GNL1: variants seen among roughly 807,000 people sequenced by gnomAD.
GNL1 encodes the protein G protein nucleolar 1.
Under a neutral mutation model 75.2 loss-of-function variants are expected in GNL1, and 21 were observed. The observed-to-expected ratio is 0.28, with a 90% CI of 0.20 to 0.40. GNL1 has a LOEUF of 0.40. GNL1 is among the 10% of genes least tolerant of loss of function. GNL1 has a pLI of 1.00. For missense variants in GNL1, 579 were observed against 775.0 expected, an observed-to-expected ratio of 0.75 and a Z score of 3.00; for synonymous variants, 287 against 303.4, an observed-to-expected ratio of 0.95 and a Z score of 0.56.
rs745533955 is a variant in GNL1, at chr6:30,552,521, T to G, written c.1045A>C (p.Thr349Pro). ...EQQTDSAMEP[T>P]GPTQERYKDG... is the part of the protein sequence containing the mutation. Reference sequence around the variant, plus strand: ...TTGTAGCGCTCTTGGGTTGGGCCAGTTGGCTCCATTGCTGAATCAGTCTGC... The same window carrying G: ...TTGTAGCGCTCTTGGGTTGGGCCAGGTGGCTCCATTGCTGAATCAGTCTGC... Residue 349 changes from threonine (T) to proline (P), a missense_variant, in exon 8 of 12, where the codon ACT becomes CCT. Transcript: ENST00000376621. The surrounding 1 kb of genome is among the most constrained non-coding windows in gnomAD (Gnocchi z 4.5). 1.1e-5 allele frequency: 17 copies of G among 1,614,166 alleles called. No homozygotes were observed. The South Asian group carries it at 1.9e-4, about 18-fold the overall frequency.
chr6:30,555,737 G>A lies in GNL1; in HGVS notation c.74-17C>T. ...CTTGAAGCCCTGCGGGGAGGGGCCG[G>A]TGACGCCAGTGCTGGCCAGCTCTCA... On this transcript the variant is annotated splice_polypyrimidine_tract_variant and intron_variant, in intron 1 of 11. Coordinates refer to ENST00000376621, the MANE Select transcript of GNL1 (RefSeq NM_005275.5). The surrounding 1 kb of genome is among the most constrained non-coding windows in gnomAD (Gnocchi z 4.3). 1.2e-6 allele frequency: 2 copies of A among 1,612,216 alleles called. No homozygotes were observed. The highest frequency in any genetic ancestry group is 1.7e-6 in the Non-Finnish European group (2 of 1,179,318).
In GNL1 at chr6:30,547,615, CTAAGG is replaced by C; in HGVS notation, c.1100-90_1100-86del. ...GCTATACCTATAGGTAAAAGGGGAA[CTAAGG>C]CTCAGAAATTAAGGAAATGGTATTG... On this transcript the variant is annotated intron_variant, in intron 8 of 11. Transcript: ENST00000376621. This position sits in a 1 kb window ranked among gnomAD's most constrained non-coding sequence, Gnocchi z 5.5. 1 of 1,144,986 alleles carries C rather than the reference CTAAGG, an allele frequency of 8.7e-7. No homozygotes were observed. Among genetic ancestry groups the C allele is most frequent in the Non-Finnish European group, 1.3e-6 (1 of 779,786 alleles). The allele number at this position is 1,144,986 out of a possible 1,614,324, so 70.9% of individuals were successfully genotyped here.
At position 30,555,732 on chromosome 6, in the gene GNL1, G is replaced by A. The variant is rs1242150722; in HGVS notation, c.74-12C>T. 6.2e-7 allele frequency: 1 copy of A among 1,612,652 alleles called. No homozygotes were observed. The highest frequency in any genetic ancestry group is 8.5e-7 in the Non-Finnish European group (1 of 1,179,560). On this transcript the variant is annotated splice_polypyrimidine_tract_variant and intron_variant, in intron 1 of 11. Coordinates refer to ENST00000376621, the MANE Select transcript of GNL1 (RefSeq NM_005275.5). The surrounding 1 kb of genome is among the most constrained non-coding windows in gnomAD (Gnocchi z 4.3). ...CCCATCTTGAAGCCCTGCGGGGAGG[G>A]GCCGGTGACGCCAGTGCTGGCCAGC...
chr6:30,554,228 G>T (rs780127198), intron 5 of GNL1, among the ~76,000 whole-genome samples: 2 of 152,178 alleles, frequency 1.3e-5, no homozygotes, highest in Non-Finnish European at 2.9e-5. Flanking sequence ...GGCAGTGCTA[G>T]AGAAATGAGA....
At position 30,552,016 on chromosome 6, in the gene GNL1, C is replaced by G. The variant is rs1799812351; in HGVS notation, c.1099+451G>C. ...TAGCAGAGACTACAGGCACATACCACCACACTTGGCTAGTTTTCTTTATCT... is the reference window on the plus strand; with the variant it reads ...TAGCAGAGACTACAGGCACATACCAGCACACTTGGCTAGTTTTCTTTATCT... On this transcript the variant is annotated intron_variant, in intron 8 of 11. Transcript: ENST00000376621. The surrounding 1 kb of genome is among the most constrained non-coding windows in gnomAD (Gnocchi z 4.5). Among the ~76,000 whole-genome samples the G allele has an allele frequency of 6.6e-6, 1 of 152,076 alleles. No homozygotes were observed. Among genetic ancestry groups the G allele is most frequent in the African/African-American group, 2.4e-5 (1 of 41,394 alleles).
chr6:30,546,603 G>C lies in GNL1; in HGVS notation c.1582+93C>G, dbSNP rs576236000. ...GTAACAGAGCTAGCCAACAGGTACA[G>C]AATCCAGGTTTGACCCTCTCTCTGG... On this transcript the variant is annotated intron_variant, in intron 11 of 11. Coordinates refer to ENST00000376621, the MANE Select transcript of GNL1 (RefSeq NM_005275.5). This position sits in a 1 kb window ranked among gnomAD's most constrained non-coding sequence, Gnocchi z 5.1. The C allele has an allele frequency of 1.3e-5, 14 of 1,043,236 alleles. No individual in the cohort carries two copies. In the African/African-American group the frequency reaches 1.8e-4, roughly 13 times the overall value. 64.6% of individuals were successfully genotyped at this position (1,043,236 alleles called of 1,614,324 possible). A position where few individuals can be genotyped will look rare whatever the true frequency, so the allele number is the denominator to read the frequency against.
chr6:30,556,056 G>C lies in GNL1; in HGVS notation c.73+75C>G. 1 of 1,554,392 alleles carries C rather than the reference G, an allele frequency of 6.4e-7. No homozygotes were observed. Among genetic ancestry groups the C allele is most frequent in the Admixed American group, 1.7e-5 (1 of 59,712 alleles). On this transcript the variant is annotated intron_variant, in intron 1 of 11. Coordinates refer to ENST00000376621, the MANE Select transcript of GNL1 (RefSeq NM_005275.5). The surrounding 1 kb of genome is among the most constrained non-coding windows in gnomAD (Gnocchi z 5.7). ...CGACCCCCTCCCACGATCCCCAGAG[G>C]TGCAGCGGGCACACCCCTCCTTCCA...
At position 30,555,063 on chromosome 6, in the gene GNL1, G is replaced by A; in HGVS notation, c.368C>T (p.Pro123Leu). 1.2e-6 allele frequency: 2 copies of A among 1,612,978 alleles called. No homozygotes were observed. Among genetic ancestry groups the A allele is most frequent in the Non-Finnish European group, 1.7e-6 (2 of 1,180,014 alleles). The stretch of plus-strand genomic sequence containing the variant: ...GTCTTGCTCTCACTCACCTGAGCCA[G>A]GCTGATACACCTCCCGGATGTCCAG... The part of the protein sequence containing the change: ...LELDIREVYQ[P>L]GSVLDFPRRP... Residue 123 changes from proline to leucine, a missense_variant, in exon 3 of 12, where the codon CCT becomes CTT. Transcript: ENST00000376621. The surrounding 1 kb of genome is among the most constrained non-coding windows in gnomAD (Gnocchi z 4.3).
chr6:30,556,440 T>G lies in GNL1; in HGVS notation c.-237A>C. 1 of 582,774 alleles carries G rather than the reference T, an allele frequency of 1.7e-6. No homozygotes were observed. 36.1% of individuals were successfully genotyped at this position (582,774 alleles called of 1,614,324 possible). The stretch of plus-strand genomic sequence containing the variant: ...GAGAGGATGATGCGGGGTGGGCTAC[T>G]GGCACGTGAGAGCCAGTGGCACCGA... On this transcript the variant is annotated 5_prime_UTR_variant, in exon 1 of 12. Coordinates refer to ENST00000376621, the MANE Select transcript of GNL1 (RefSeq NM_005275.5). This position sits in a 1 kb window ranked among gnomAD's most constrained non-coding sequence, Gnocchi z 5.7.
rs1251774158 is a variant in GNL1 at position 30,552,932 on chromosome 6, C to T, written c.904+152G>A. 4.3e-6 allele frequency: 3 copies of T among 700,872 alleles called. No individual in the cohort carries two copies. The African/African-American group carries it at 5.3e-5, about 12-fold the overall frequency. The allele number at this position is 700,872 out of a possible 1,614,324, so 43.4% of individuals were successfully genotyped here. A position where few individuals can be genotyped will look rare whatever the true frequency, so the allele number is the denominator to read the frequency against. On this transcript the variant is annotated intron_variant, in intron 7 of 11. Transcript: ENST00000376621. This position sits in a 1 kb window ranked among gnomAD's most constrained non-coding sequence, Gnocchi z 4.5. ...TGACTACCTGCTGCCTCTCGTCCCA[C>T]CAAGTCAGTCTGCTCCTTATTCTGT...
Position 30,546,957 on chromosome 6 carries a change from G to T in GNL1, c.1442-121C>A. On this transcript the variant is annotated intron_variant, in intron 10 of 11. Coordinates refer to ENST00000376621, the MANE Select transcript of GNL1 (RefSeq NM_005275.5). The surrounding 1 kb of genome is among the most constrained non-coding windows in gnomAD (Gnocchi z 5.1). ...ACATTCCAGGCCAGAGATCTTACTGGCTATGCAACAAAAATCTAGGGGTGA... is the reference window on the plus strand; with the variant it reads ...ACATTCCAGGCCAGAGATCTTACTGTCTATGCAACAAAAATCTAGGGGTGA... 2.7e-6 allele frequency: 3 copies of T among 1,128,234 alleles called. No individual in the cohort carries two copies. Among genetic ancestry groups the T allele is most frequent in the Non-Finnish European group, 2.6e-6 (2 of 763,782 alleles). 69.9% of individuals were successfully genotyped at this position (1,128,234 alleles called of 1,614,324 possible).
chr6:30,554,443 A>G, intron 5 of GNL1, 132 bp downstream of exon 5: 2 of 710,730 alleles, frequency 2.8e-6, no homozygotes, highest in Non-Finnish European at 5.1e-6. Flanking sequence ...CTAACTGCGG[A>G]CATCAGCACT....
intron 8 of GNL1, among the ~76,000 whole-genome samples, chr6:30,551,496 T>C (rs1251163444): frequency 6.6e-6 from 1 of 152,160 alleles, no homozygotes; most frequent in Non-Finnish European, 1.5e-5. Flanking sequence ...CCATAACTTG[T>C]CCAAGGTCTC....
chr6:30,555,259 T>C lies in GNL1; in HGVS notation c.240-68A>G, dbSNP rs1562716121. The C allele has an allele frequency of 1.3e-6, 2 of 1,589,762 alleles. No individual in the cohort carries two copies. Among genetic ancestry groups the C allele is most frequent in the Non-Finnish European group, 1.7e-6 (2 of 1,161,238 alleles). On this transcript the variant is annotated intron_variant, in intron 2 of 11. Transcript: ENST00000376621. This position sits in a 1 kb window ranked among gnomAD's most constrained non-coding sequence, Gnocchi z 4.3. ...CACAAACTCCTATTTTCTCCCCTCT[T>C]GTACAATCAACTTCGCAAACCATTC...
chr6:30,544,684 G>C lies in GNL1; in HGVS notation c.*1388C>G, dbSNP rs1480875634. On this transcript the variant is annotated 3_prime_UTR_variant, in exon 12 of 12. Coordinates refer to ENST00000376621, the MANE Select transcript of GNL1 (RefSeq NM_005275.5). ...AGTTATGTCCACACTGAGACCAATGGAGATGAACCTAAAGCAATATGTGGC... is the reference window on the plus strand; with the variant it reads ...AGTTATGTCCACACTGAGACCAATGCAGATGAACCTAAAGCAATATGTGGC... The C allele has an allele frequency of 6.6e-6, 1 of 152,200 alleles. No individual in the cohort carries two copies. Among genetic ancestry groups the C allele is most frequent in the Non-Finnish European group, 1.5e-5 (1 of 68,042 alleles). The allele number at this position is 152,200 out of a possible 1,614,324, so 9.4% of individuals were successfully genotyped here.
chr6:30,547,660 C>T lies in GNL1; in HGVS notation c.1100-130G>A, dbSNP rs763033344. 15 of 780,502 alleles carry T rather than the reference C, an allele frequency of 1.9e-5. No homozygotes were observed. The highest frequency in any genetic ancestry group is 2.3e-5 in the Non-Finnish European group (11 of 484,234). The allele number at this position is 780,502 out of a possible 1,614,324, so 48.3% of individuals were successfully genotyped here. A position where few individuals can be genotyped will look rare whatever the true frequency, so the allele number is the denominator to read the frequency against. On this transcript the variant is annotated intron_variant, in intron 8 of 11. Coordinates refer to ENST00000376621, the MANE Select transcript of GNL1 (RefSeq NM_005275.5). This position sits in a 1 kb window ranked among gnomAD's most constrained non-coding sequence, Gnocchi z 5.5. The stretch of plus-strand genomic sequence containing the variant: ...AAATGGTATTGCAGAATACAAATCA[C>T]GCTCTGGGCTGCCAGGGTTAAATCC...
rs772728088 is a variant in GNL1 at position 30,547,202 on chromosome 6, T to A, written c.1351A>T (p.Ile451Phe). The change falls in exon 10 of 12, where the codon ATT (isoleucine) becomes TTT (phenylalanine). Residue 451 changes from isoleucine to phenylalanine, a missense_variant. Transcript: ENST00000376621. The surrounding 1 kb of genome is among the most constrained non-coding windows in gnomAD (Gnocchi z 5.5). ...AGGTGGAGCAGGGCCTGCACGGGAATTCGGGAGGCCAGGTAGCCCACAGCA... is the reference window on the plus strand; with the variant it reads ...AGGTGGAGCAGGGCCTGCACGGGAAATCGGGAGGCCAGGTAGCCCACAGCA... ...YTAVGYLASR[I>F]PVQALLHLRH... 3.9e-5 allele frequency: 63 copies of A among 1,613,068 alleles called. No individual in the cohort carries two copies. The highest frequency in any genetic ancestry group is 1.6e-4 in the Middle Eastern group (1 of 6,076).
In GNL1 at chr6:30,552,491, C is replaced by T. The variant is rs1170293349; in HGVS notation, c.1075G>A (p.Gly359Arg). 1 of 1,613,862 alleles carries T rather than the reference C, an allele frequency of 6.2e-7. No homozygotes were observed. The highest frequency in any genetic ancestry group is 8.5e-7 in the Non-Finnish European group (1 of 1,179,782). Residue 359 changes from glycine (G) to arginine (R), a missense_variant, in exon 8 of 12, where the codon GGG becomes AGG. Gly to Arg is a moderately radical substitution (Grantham distance 125). Transcript: ENST00000376621. The surrounding 1 kb of genome is among the most constrained non-coding windows in gnomAD (Gnocchi z 4.5). ...CCCACACAGCCGATGGTCACCACCC[C>T]ATCCTTGTAGCGCTCTTGGGTTGGG... ...TGPTQERYKDGVVTIGCVGFP... is the reference protein window; with the variant it reads ...TGPTQERYKDRVVTIGCVGFP...
At position 30,555,772 on chromosome 6, in the gene GNL1, A is replaced by C. The variant is rs1800124861; in HGVS notation, c.74-52T>G. 6.4e-7 allele frequency: 1 copy of C among 1,573,528 alleles called. No homozygotes were observed. The highest frequency in any genetic ancestry group is 2.2e-5 in the East Asian group (1 of 44,556). ...TGCTGGCCAGCTCTCAGGGGCCATAAGACCCTCTCCCCCATCGGCCTGACT... is the reference window on the plus strand; with the variant it reads ...TGCTGGCCAGCTCTCAGGGGCCATACGACCCTCTCCCCCATCGGCCTGACT... On this transcript the variant is annotated intron_variant, in intron 1 of 11. Coordinates refer to ENST00000376621, the MANE Select transcript of GNL1 (RefSeq NM_005275.5). The surrounding 1 kb of genome is among the most constrained non-coding windows in gnomAD (Gnocchi z 4.3).
Sources: allele counts gnomAD v4.1 joint callset (sites outside exome capture counted in the v4.1 genomes callset), GRCh38; gene constraint gnomAD v4.1.1; non-coding constraint Gnocchi (gnomAD v3.1); transcripts MANE v1.5; gene names NCBI Gene and HGNC (gene_info 2026-07-23, HGNC 2026-07-21).